NUBPL: variants seen among roughly 807,000 people sequenced by gnomAD.
NUBPL encodes the protein NUBP iron-sulfur cluster assembly factor, mitochondrial, also known as iron-sulfur cluster transfer protein NUBPL.
Under a neutral mutation model 45.7 loss-of-function variants are expected in NUBPL, and 31 were observed. The observed-to-expected ratio is 0.68, with a 90% CI of 0.51 to 0.92. The LOEUF (loss-of-function observed/expected upper bound fraction) is 0.92, where lower values mean the gene tolerates loss of function less well. Among genes scored for constraint, NUBPL ranks in the 40% least tolerant of loss-of-function variants. NUBPL has a pLI of 0.00. For missense variants in NUBPL, 401 were observed against 398.7 expected, an observed-to-expected ratio of 1.01 and a Z score of -0.05; for synonymous variants, 144 against 140.9, an observed-to-expected ratio of 1.02 and a Z score of -0.15.
At chr14:31,671,306 T>C (rs564256708) in intron 4 of NUBPL, among the ~76,000 whole-genome samples, 48 of 152,358 alleles carry the variant, frequency 3.2e-4, no homozygotes, top group Middle Eastern at 3.4e-3. Context: ...ATTTCATATC[T>C]TGACTATTGC....
intron 6 of NUBPL, among the ~76,000 whole-genome samples, chr14:31,747,121 G>T (rs530798838): frequency 6.9e-6 from 1 of 143,950 alleles, no homozygotes; most frequent in Non-Finnish European, 1.5e-5. Flanking sequence ...GCAGTAAAGC[G>T]ATTCAGTCCT....
At chr14:31,711,531 G>A (rs768191706) in intron 6 of NUBPL, among the ~76,000 whole-genome samples, 2 of 152,168 alleles carry the variant, frequency 1.3e-5, no homozygotes, top group East Asian at 2.0e-4. Flanking sequence ...TAGTCCCTTC[G>A]TGGTTGCAAA....
chr14:31,618,001 T>G (rs1487646890), intron 4 of NUBPL, among the ~76,000 whole-genome samples: 2 of 152,234 alleles, frequency 1.3e-5, no homozygotes, highest in Non-Finnish European at 2.9e-5. Flanking sequence ...TGGTTTAGTC[T>G]TGGGAAGGTG....
chr14:31,718,766 A>T (rs923846022), intron 6 of NUBPL, among the ~76,000 whole-genome samples: 3 of 152,180 alleles, frequency 2.0e-5, no homozygotes, highest in Non-Finnish European at 4.4e-5. Context: ...GGTTTTGTTA[A>T]GTGCAAAAAG....
At chr14:31,638,667 A>G (rs1235595418) in intron 4 of NUBPL, among the ~76,000 whole-genome samples, 1 of 152,198 alleles carries the variant, frequency 6.6e-6, no homozygotes, top group African/African-American at 2.4e-5. Flanking sequence ...TCTCCAGGAT[A>G]ACATCCTGCA....
At chr14:31,703,757 A>C (rs1217013174) in intron 6 of NUBPL, among the ~76,000 whole-genome samples, 1 of 152,226 alleles carries the variant, frequency 6.6e-6, no homozygotes, top group Admixed American at 6.5e-5. Flanking sequence ...TTGGGCGGGG[A>C]CACAGAGCCA....
In NUBPL at chr14:31,599,370, T is replaced by G. The variant is rs1378938639; in HGVS notation, c.373T>G (p.Leu125Val). The G allele has an allele frequency of 2.5e-6, 4 of 1,607,306 alleles. No homozygotes were observed. In the South Asian group the frequency reaches 4.4e-5, roughly 18 times the overall value. Reference protein sequence around the residue: ...KMMNLKGNPELSQSNLMRPLL... With the variant: ...KMMNLKGNPEVSQSNLMRPLL... ...GATGAATCTGAAAGGAAATCCGGAA[T>G]TATCACAGAGTAAGTAAAGAAGGGA... The change falls in exon 4 of 11, where the codon TTA becomes GTA. Residue 125 changes from leucine (L) to valine (V), a missense_variant. By Grantham distance (32) the Leu-to-Val change is conservative. Transcript: ENST00000281081.
At chr14:31,608,383 G>A (rs1276174583) in intron 4 of NUBPL, among the ~76,000 whole-genome samples, 4 of 152,030 alleles carry the variant, frequency 2.6e-5, no homozygotes, top group African/African-American at 9.7e-5. Context: ...GTGAAACCCT[G>A]TCTCTACTAA....
At chr14:31,629,290 A>G (rs1480571671) in intron 4 of NUBPL, among the ~76,000 whole-genome samples, 7 of 152,110 alleles carry the variant, frequency 4.6e-5, no homozygotes, top group Admixed American at 2.0e-4. Flanking sequence ...CTTTTATTAA[A>G]GTGATGTGGA....
At chr14:31,800,745 G>C (rs1422232408) in intron 7 of NUBPL, 2 of 152,140 alleles carry the variant, frequency 1.3e-5, no homozygotes, top group Non-Finnish European at 2.9e-5. Context: ...GATATCTGAA[G>C]ACTGTCTCAA....
intron 6 of NUBPL, among the ~76,000 whole-genome samples, chr14:31,728,899 C>T (rs1038403648): frequency 6.6e-6 from 1 of 152,160 alleles, no homozygotes; most frequent in African/African-American, 2.4e-5. Flanking sequence ...AGAAGGTTAA[C>T]ATTAGTTACT....
Position 31,832,092 on chromosome 14 carries a change from T to C in NUBPL, c.693+5378T>C, listed in dbSNP as rs368727672. 1.3e-3 allele frequency among the ~76,000 whole-genome samples: 204 copies of C among 152,306 alleles called. No individual in the cohort carries two copies. In the South Asian group the frequency reaches 0.017, roughly 13 times the overall value. On this transcript the variant is annotated intron_variant, in intron 8 of 10. Transcript: ENST00000281081. ...TTTCATAAAGATTTGGTCTCAAGTA[T>C]AAATACACATATGTGTGTATTGTGT...
intron 6 of NUBPL, among the ~76,000 whole-genome samples, chr14:31,752,429 A>C (rs1397451840): frequency 6.6e-6 from 1 of 152,166 alleles, no homozygotes; most frequent in Non-Finnish European, 1.5e-5. Flanking sequence ...AAGTTTAGAG[A>C]TCCCCAGATC....
intron 7 of NUBPL, among the ~76,000 whole-genome samples, chr14:31,825,617 T>TCTC (rs368736470): frequency 5.3e-5 from 8 of 149,544 alleles, no homozygotes; most frequent in African/African-American, 1.5e-4. Context: ...TTCCTCTTCT[T>TCTC]CTCCTCCTCC....
intron 6 of NUBPL, among the ~76,000 whole-genome samples, chr14:31,765,373 A>G (rs1254360244): frequency 6.6e-6 from 1 of 152,244 alleles, no homozygotes; most frequent in East Asian, 1.9e-4. Flanking sequence ...AAATGTACAA[A>G]TATGTTCTTA....
At chr14:31,649,040 C>A (rs2035932184) in intron 4 of NUBPL, among the ~76,000 whole-genome samples, 1 of 152,168 alleles carries the variant, frequency 6.6e-6, no homozygotes, top group African/African-American at 2.4e-5. Flanking sequence ...GATTTCTTGA[C>A]CTCAAGATCT....
intron 8 of NUBPL, among the ~76,000 whole-genome samples, chr14:31,836,153 C>T (rs1317797367): frequency 6.6e-6 from 1 of 152,096 alleles, no homozygotes; most frequent in Non-Finnish European, 1.5e-5. Flanking sequence ...TCAAGAGAAT[C>T]AATTTTTAAA....
At chr14:31,781,526 T>C (rs1327564986) in intron 6 of NUBPL, among the ~76,000 whole-genome samples, 3 of 152,194 alleles carry the variant, frequency 2.0e-5, no homozygotes, top group Admixed American at 6.5e-5. Context: ...GAGAAACTTA[T>C]TTGTAATTCA....
chr14:31,751,065 G>C (rs1349815986), intron 6 of NUBPL, among the ~76,000 whole-genome samples: 1 of 152,138 alleles, frequency 6.6e-6, no homozygotes, highest in Non-Finnish European at 1.5e-5. Flanking sequence ...AGAACAGCAT[G>C]AGGAAAACCA....
Sources: gnomAD v4.1 joint callset for allele counts (sites outside exome capture counted in the v4.1 genomes callset) on GRCh38, gnomAD v4.1.1 for gene constraint, MANE v1.5 for transcripts, NCBI Gene and HGNC (gene_info 2026-07-23, HGNC 2026-07-21) for gene names.